The following BFSP1 variants were observed in gnomAD, a reference collection of about 807,000 sequenced individuals.
BFSP1 encodes filensin.
A neutral mutation model predicts 43.9 loss-of-function variants in BFSP1; 38 were observed. That is an observed-to-expected ratio of 0.87 (90% CI 0.67 to 1.14). The LOEUF (loss-of-function observed/expected upper bound fraction) is 1.14. Ranked by LOEUF, BFSP1 falls within the 50% of genes most tolerant of loss-of-function variation. The pLI, the probability that BFSP1 is intolerant of heterozygous loss-of-function variation, is 0.00. For missense variants in BFSP1, 850 were observed against 875.1 expected, an observed-to-expected ratio of 0.97 and a Z score of 0.36; for synonymous variants, 352 against 354.8, an observed-to-expected ratio of 0.99 and a Z score of 0.09.
At chr20:17,514,161 C>T (rs923596577) in intron 3 of BFSP1, among the ~76,000 whole-genome samples, 7 of 152,190 alleles carry the variant, frequency 4.6e-5, no homozygotes, top group African/African-American at 9.6e-5. Context: ...GGAAGGAGAG[C>T]CTGCATTTGC....
chr20:17,500,330 T>C (rs2033765261), intron 5 of BFSP1, among the ~76,000 whole-genome samples: 1 of 152,128 alleles, frequency 6.6e-6, no homozygotes, highest in African/African-American at 2.4e-5. Context: ...AAATGCTCAG[T>C]CATGGGCCAC....
At chr20:17,548,343 C>A (rs918437616) in intron 1 of BFSP1, among the ~76,000 whole-genome samples, 1 of 152,094 alleles carries the variant, frequency 6.6e-6, no homozygotes, top group African/African-American at 2.4e-5. Context: ...TCTTACTATT[C>A]TTGGCCTGAT....
chr20:17,547,141 T>C (rs1302750251), intron 1 of BFSP1, among the ~76,000 whole-genome samples: 2 of 151,700 alleles, frequency 1.3e-5, no homozygotes, highest in African/African-American at 4.8e-5. Flanking sequence ...TTGAGACTAG[T>C]CAGGGCAACA....
chr20:17,559,806 C>A (rs1384595029), upstream of BFSP1, among the ~76,000 whole-genome samples: 1 of 152,020 alleles, frequency 6.6e-6, no homozygotes, highest in Non-Finnish European at 1.5e-5. Context: ...AAACCAATCC[C>A]CCGCCAACCA....
At chr20:17,501,335 C>A (rs923467674) in intron 5 of BFSP1, among the ~76,000 whole-genome samples, 1 of 152,166 alleles carries the variant, frequency 6.6e-6, no homozygotes, top group Non-Finnish European at 1.5e-5. Context: ...GAGGCCAAGG[C>A]GGGCAGATCA....
intron 2 of BFSP1, chr20:17,517,131 A>G (rs898860269): frequency 2.5e-6 from 2 of 801,850 alleles, no homozygotes; most frequent in Non-Finnish European, 4.4e-6. Flanking sequence ...GAGGAAGAAG[A>G]TTAAGCTGGC....
chr20:17,528,101 C>T (rs761007627), intron 1 of BFSP1, among the ~76,000 whole-genome samples: 8 of 152,142 alleles, frequency 5.3e-5, no homozygotes, highest in Non-Finnish European at 1.2e-4. Flanking sequence ...ATCAACTCAC[C>T]TCTGGAATGT....
intron 2 of BFSP1, chr20:17,516,693 C>G: frequency 4.5e-6 from 1 of 220,822 alleles, no homozygotes; most frequent in East Asian, 1.1e-4. Flanking sequence ...TTCTGAAGCT[C>G]TTTTATCTAC....
intron 2 of BFSP1, chr20:17,517,382 T>C: frequency 3.5e-6 from 3 of 846,376 alleles, no homozygotes; most frequent in Non-Finnish European, 5.9e-6. Context: ...TCATTTCCTT[T>C]TGCGTTTCCT....
intron 5 of BFSP1, among the ~76,000 whole-genome samples, chr20:17,505,320 C>G (rs1221687071): frequency 2.0e-5 from 3 of 152,246 alleles, no homozygotes; most frequent in African/African-American, 7.2e-5. Context: ...CACCGGCCCG[C>G]CCCAGAGCTC....
At chr20:17,500,345 C>T (rs2033766050) in intron 5 of BFSP1, among the ~76,000 whole-genome samples, 3 of 152,218 alleles carry the variant, frequency 2.0e-5, no homozygotes, top group African/African-American at 7.2e-5. Flanking sequence ...GGCCACATAA[C>T]AGTACTGCAG....
At chr20:17,516,853 T>C (rs1325829866) in intron 2 of BFSP1, 17 of 636,374 alleles carry the variant, frequency 2.7e-5, no homozygotes, top group East Asian at 1.0e-4. Context: ...ATGCAGATTT[T>C]TGTGAAAACC....
At chr20:17,523,180 T>C (rs993280250) in intron 2 of BFSP1, among the ~76,000 whole-genome samples, 1 of 152,224 alleles carries the variant, frequency 6.6e-6, no homozygotes, top group Non-Finnish European at 1.5e-5. Flanking sequence ...AGAATATGGA[T>C]TGCTTTTGTA....
At position 17,531,202 on chromosome 20, in the gene BFSP1, G is replaced by T; in HGVS notation, c.128C>A (p.Ala43Glu). The T allele has an allele frequency of 7.6e-7, 1 of 1,310,106 alleles. No homozygotes were observed. The highest frequency in any genetic ancestry group is 9.7e-7 in the Non-Finnish European group (1 of 1,030,842). The allele number at this position is 1,310,106 out of a possible 1,614,324, so 81.2% of individuals were successfully genotyped here. A position where few individuals can be genotyped will look rare whatever the true frequency, so the allele number is the denominator to read the frequency against. ...CACGCGCTCGCCGAGCCCCTGCAGC[G>T]CCGCCAGGCTCGTTGCCCCAGCCCA... Reference protein sequence around the residue: ...EGWAGATSLAALQGLGERVAA... With the variant: ...EGWAGATSLAELQGLGERVAA... Residue 43 changes from alanine to glutamate, a missense_variant, in exon 1 of 8, where the codon GCG becomes GAG. Transcript: ENST00000377873.
intron 7 of BFSP1, 49 bp downstream of exon 7, chr20:17,496,889 T>C (rs779563690): frequency 1.4e-6 from 2 of 1,440,512 alleles, no homozygotes; most frequent in Admixed American, 5.3e-5. Flanking sequence ...AGCCGCTTGG[T>C]TTTTTTCAAG....
chr20:17,555,515 T>C (rs2034976953), intron 1 of BFSP1, among the ~76,000 whole-genome samples: 1 of 152,022 alleles, frequency 6.6e-6, no homozygotes, highest in African/African-American at 2.4e-5. Flanking sequence ...TAGCCAGGCA[T>C]GGTGGCCCAC....
chr20:17,500,122 T>C (rs879568295), intron 5 of BFSP1, among the ~76,000 whole-genome samples: 1 of 152,234 alleles, frequency 6.6e-6, no homozygotes, highest in Non-Finnish European at 1.5e-5. Flanking sequence ...CAGCTTTGAT[T>C]TTCTCCCGAG....
rs1390172629 is a variant in BFSP1, at chr20:17,494,975, A to G, written c.1097T>C (p.Leu366Pro). Reference sequence around the variant, plus strand: ...TTTTCTCCTTGGAACATTCTTGGGGAGGGCTTTTTGTCTTGGTTTTGCTGC... The same window carrying G: ...TTTTCTCCTTGGAACATTCTTGGGGGGGGCTTTTTGTCTTGGTTTTGCTGC... Reference protein sequence around the residue: ...ITAAKPRQKALPKNVPRRKEI... With the variant: ...ITAAKPRQKAPPKNVPRRKEI... The change falls in exon 8 of 8, where the codon CTC (leucine) becomes CCC (proline). Residue 366 changes from leucine (L) to proline (P), a missense_variant. Physicochemically the swap from Leu to Pro is moderately conservative, Grantham distance 98. Transcript: ENST00000377873. 6.2e-7 allele frequency: 1 copy of G among 1,613,768 alleles called. No homozygotes were observed. Among genetic ancestry groups the G allele is most frequent in the Non-Finnish European group, 8.5e-7 (1 of 1,179,958 alleles).
Position 17,529,090 on chromosome 20 carries a change from T to TGTGTGTGTGTGTGTGTGTGA in BFSP1, c.377+1862_377+1863insTCACACACACACACACACAC, listed in dbSNP as rs577672397. 2.7e-3 allele frequency among the ~76,000 whole-genome samples: 402 copies of TGTGTGTGTGTGTGTGTGTGA among 151,606 alleles called. 1 individual carries two copies. The highest frequency in any genetic ancestry group is 8.7e-3 in the African/African-American group (356 of 41,062). On this transcript the variant is annotated intron_variant, in intron 1 of 7. Coordinates refer to ENST00000377873, the MANE Select transcript of BFSP1 (RefSeq NM_001195.5). ...GTGTGTGTGTGTGTGTGTGTGTGTGTGAGACAGAGTCTCACTCTGTCACCC... is the reference window on the plus strand; with the variant it reads ...GTGTGTGTGTGTGTGTGTGTGTGTGTGTGTGTGTGTGTGTGTGTGAGAGACAGAGTCTCACTCTGTCACCC...
Sources: allele counts gnomAD v4.1 joint callset (sites outside exome capture counted in the v4.1 genomes callset), GRCh38; gene constraint gnomAD v4.1.1; transcripts MANE v1.5; gene names NCBI Gene and HGNC (gene_info 2026-07-23, HGNC 2026-07-21).